The following ACBD5 variants were observed in gnomAD, a reference collection of about 807,000 sequenced individuals.
ACBD5 encodes the protein acyl-CoA binding domain containing 5.
In ACBD5, 40 loss-of-function variants were observed where a neutral mutation model predicts 71.8. The observed-to-expected ratio is 0.56, with a 90% CI of 0.43 to 0.72. ACBD5 has a LOEUF of 0.72. ACBD5 is among the 30% of genes least tolerant of loss of function. The pLI is 0.00. For synonymous variants in ACBD5, 229 were observed against 218.6 expected (o/e 1.05, Z -0.42); for missense variants, 559 against 644.5 (o/e 0.87, Z 1.44).
At chr10:27,213,496 G>A (rs529018716) in intron 8 of ACBD5, among the ~76,000 whole-genome samples, 6 of 152,230 alleles carry the variant, frequency 3.9e-5, no homozygotes, top group Admixed American at 1.3e-4. Flanking sequence ...GGTGGCTCAC[G>A]CCTGAAATCC....
intron 13 of ACBD5, among the ~76,000 whole-genome samples, chr10:27,189,082 A>T (rs137950692): frequency 3.3e-4 from 50 of 152,362 alleles, no homozygotes; most frequent in African/African-American, 1.1e-3. Context: ...CTTATCTACC[A>T]GGGACAGCAC....
intron 7 of ACBD5, among the ~76,000 whole-genome samples, chr10:27,216,329 T>TG (rs1448485823): frequency 6.6e-6 from 1 of 152,172 alleles, no homozygotes; most frequent in African/African-American, 2.4e-5. Flanking sequence ...TTACTTGAGA[T>TG]GGGGTTTCAC....
intron 9 of ACBD5, among the ~76,000 whole-genome samples, chr10:27,210,479 G>A (rs562216382): frequency 3.9e-5 from 6 of 152,218 alleles, no homozygotes; most frequent in East Asian, 1.9e-4. Flanking sequence ...TTAGTCAGGC[G>A]GCCGGGCACA....
rs752219587 is a variant in ACBD5, at chr10:27,240,506, C to A, written c.16-22G>T. The A allele has an allele frequency of 1.6e-5, 26 of 1,584,462 alleles. No individual in the cohort carries two copies. In the African/African-American group the frequency reaches 3.1e-4, roughly 19 times the overall value. On this transcript the variant is annotated intron_variant, in intron 1 of 12. Transcript: ENST00000396271. The surrounding 1 kb of genome is among the most constrained non-coding windows in gnomAD (Gnocchi z 4.1). Reference sequence around the variant, plus strand: ...GAAACTGGAACATGGAGCGCAGCCGCGGATCAACATGCCCCAAAAGGAGGA... The same window carrying A: ...GAAACTGGAACATGGAGCGCAGCCGAGGATCAACATGCCCCAAAAGGAGGA...
Position 27,209,967 on chromosome 10 carries a change from T to C in ACBD5, c.1204+847A>G, listed in dbSNP as rs116811932. On this transcript the variant is annotated intron_variant, in intron 9 of 12. Coordinates refer to ENST00000396271, the MANE Select transcript of ACBD5 (RefSeq NM_145698.5). Reference sequence around the variant, plus strand: ...CAAAATTGCAGTGAATGGTTTTGTATGTAAATACTCGTCCAAATTTCCCCT... The same window carrying C: ...CAAAATTGCAGTGAATGGTTTTGTACGTAAATACTCGTCCAAATTTCCCCT... 3.3e-3 allele frequency among the ~76,000 whole-genome samples: 499 copies of C among 152,308 alleles called. 1 individual carries two copies. The highest frequency in any genetic ancestry group is 0.011 in the African/African-American group (462 of 41,578).
At chr10:27,193,114 CGTGTGTGTGT>C (rs58983291), downstream of ACBD5, among the ~76,000 whole-genome samples, 6,320 of 80,172 alleles carry the variant, frequency 0.079, 391 homozygotes, top group Admixed American at 0.13. Context: ...TTCCTTCCTT[CGTGTGTGTGT>C]GTGTGTGTGT....
chr10:27,194,888 C>G (rs1033216564), downstream of ACBD5, among the ~76,000 whole-genome samples: 1 of 150,314 alleles, frequency 6.7e-6, no homozygotes, highest in Non-Finnish European at 1.5e-5. Context: ...CCCAGCTACT[C>G]GGGAGGCTGA....
In ACBD5 at chr10:27,223,349, T is replaced by C; in HGVS notation, c.479A>G (p.Asp160Gly). The C allele has an allele frequency of 6.2e-7, 1 of 1,612,650 alleles. No individual in the cohort carries two copies. Among genetic ancestry groups the C allele is most frequent in the Non-Finnish European group, 8.5e-7 (1 of 1,178,824 alleles). The stretch of plus-strand genomic sequence containing the variant: ...TAAAATAGTCCAACCTGAGGTTATA[T>C]CAGAACTCCTGCCACTCTTTTTGTC... ...VEDKKSGRSS[D>G]ITSDLGNVLT... is the part of the protein sequence containing the mutation. The change falls in exon 5 of 13, where the codon GAT (aspartate) becomes GGT (glycine). Residue 160 changes from aspartate (D) to glycine (G), a missense_variant. Physicochemically the swap from Asp to Gly is moderately conservative, Grantham distance 94. Transcript: ENST00000396271.
chr10:27,202,465 C>T (rs2060023605), intron 12 of ACBD5, among the ~76,000 whole-genome samples: 1 of 152,110 alleles, frequency 6.6e-6, no homozygotes, highest in African/African-American at 2.4e-5. Flanking sequence ...CTGTGAACAG[C>T]TAAAAGGGAT....
At position 27,240,366 on chromosome 10, in the gene ACBD5, G is replaced by C; in HGVS notation, c.134C>G (p.Thr45Ser). ...EMADTRSVHE[T>S]RFEAAVKVIQ... The stretch of plus-strand genomic sequence containing the variant: ...CACCTTCACGGCCGCCTCAAACCTA[G>C]TCTCGTGCACGGATCTCGTGTCCGC... Residue 45 changes from threonine (T) to serine (S), a missense_variant, in exon 2 of 13, where the codon ACT becomes AGT. Thr to Ser is a moderately conservative substitution (Grantham distance 58). Transcript: ENST00000396271. The surrounding 1 kb of genome is among the most constrained non-coding windows in gnomAD (Gnocchi z 4.1). 6.2e-7 allele frequency: 1 copy of C among 1,614,084 alleles called. No individual in the cohort carries two copies. The highest frequency in any genetic ancestry group is 8.5e-7 in the Non-Finnish European group (1 of 1,180,018).
At chr10:27,213,743 G>A (rs1425311194) in intron 8 of ACBD5, among the ~76,000 whole-genome samples, 1 of 135,882 alleles carries the variant, frequency 7.4e-6, no homozygotes, top group East Asian at 2.1e-4. Flanking sequence ...GGCAACAAGA[G>A]GGAAACTCCG....
intron 13 of ACBD5, among the ~76,000 whole-genome samples, chr10:27,189,693 C>T (rs1588874001): frequency 1.3e-5 from 2 of 150,964 alleles, no homozygotes; most frequent in Admixed American, 6.6e-5. Flanking sequence ...TGCAGCACAC[C>T]AACATGGCAC....
At position 27,202,233 on chromosome 10, in the gene ACBD5, A is replaced by G. The variant is rs1418607972; in HGVS notation, c.1565+2207T>C. Among the ~76,000 whole-genome samples the G allele has an allele frequency of 2.0e-5, 3 of 152,314 alleles. No homozygotes were observed. The East Asian group carries it at 5.8e-4, about 29-fold the overall frequency. On this transcript the variant is annotated intron_variant, in intron 12 of 12. Transcript: ENST00000396271. ...CTCAAGGCTAAAACTTATTTCCACC[A>G]TATCAAATATGGCCCTACTTCCAAC...
In ACBD5 at chr10:27,217,998, C is replaced by G. The variant is rs764311764; in HGVS notation, c.811G>C (p.Ala271Pro). 5.0e-6 allele frequency: 8 copies of G among 1,614,124 alleles called. No individual in the cohort carries two copies. The South Asian group carries it at 7.7e-5, about 16-fold the overall frequency. ...DENLGQTGKSAVCIHQDINDD... is the reference protein window; with the variant it reads ...DENLGQTGKSPVCIHQDINDD... ...ACAATACCTTGGTGAATGCAAACAG[C>G]AGATTTTCCAGTTTGCCCCAAGTTT... Residue 271 changes from alanine to proline, a missense_variant, in exon 7 of 13, where the codon GCT becomes CCT. By Grantham distance (27) the Ala-to-Pro change is conservative. Transcript: ENST00000396271.
At chr10:27,228,266 T>C (rs1265962420) in intron 4 of ACBD5, among the ~76,000 whole-genome samples, 1 of 36,882 alleles carries the variant, frequency 2.7e-5, no homozygotes, top group East Asian at 9.0e-4. Context: ...GAGCCTAAAT[T>C]TGTACAAAAA....
intron 5 of ACBD5, 118 bp from the exon 6 acceptor site, chr10:27,219,975 TATATATATA>T: frequency 1.2e-6 from 1 of 847,866 alleles, no homozygotes; most frequent in Non-Finnish European, 1.7e-6. Flanking sequence ...ATTAAAATGT[TATATATATA>T]ATAGTATTAT....
At chr10:27,217,182 G>T (rs577248678) in intron 7 of ACBD5, among the ~76,000 whole-genome samples, 2 of 147,156 alleles carry the variant, frequency 1.4e-5, no homozygotes, top group Admixed American at 6.9e-5. Context: ...TCGGCCGGGC[G>T]CGTTGCCTCA....
chr10:27,204,305 A>G, intron 12 of ACBD5, 135 bp downstream of exon 12: 2 of 686,052 alleles, frequency 2.9e-6, no homozygotes, highest in Non-Finnish European at 5.2e-6. Context: ...TTTCAGTCTC[A>G]GGATAAATAT....
chr10:27,212,007 G>GAAACACCA (rs2061136180), intron 8 of ACBD5, among the ~76,000 whole-genome samples: 1 of 152,030 alleles, frequency 6.6e-6, no homozygotes, highest in Non-Finnish European at 1.5e-5. Flanking sequence ...CAGAGAGAAG[G>GAAACACCA]CCAGGGTGGG....
Sources: gnomAD v4.1 joint callset for allele counts (sites outside exome capture counted in the v4.1 genomes callset) on GRCh38, gnomAD v4.1.1 for gene constraint, Gnocchi (gnomAD v3.1) non-coding constraint, MANE v1.5 for transcripts, NCBI Gene and HGNC (gene_info 2026-07-23, HGNC 2026-07-21) for gene names.